Variants in GCNT1 observed in about 807,000 individuals in gnomAD.
GCNT1 encodes glucosaminyl (N-acetyl) transferase 1, also known as beta-1,3-galactosyl-O-glycosyl-glycoprotein beta-1,6-N-acetylglucosaminyltransferase.
GCNT1 carries 16 observed loss-of-function variants against 26.2 expected under a neutral mutation model. That is an observed-to-expected ratio of 0.61 (90% CI 0.41 to 0.93). The LOEUF is 0.93. GCNT1 is among the 40% of genes least tolerant of loss of function. GCNT1 has a pLI of 0.00. For synonymous variants in GCNT1, 183 were observed against 190.8 expected, an observed-to-expected ratio of 0.96 and a Z score of 0.34; for missense variants, 477 against 526.7, an observed-to-expected ratio of 0.91 and a Z score of 0.92.
chr9:76,471,412 C>T (rs1472743145), intron 2 of GCNT1, among the ~76,000 whole-genome samples: 1 of 152,134 alleles, frequency 6.6e-6, no homozygotes, highest in Non-Finnish European at 1.5e-5. Context: ...TAATTGCTCC[C>T]AGAATTGCTC....
chr9:76,496,682 G>A (rs1824916218), intron 2 of GCNT1, among the ~76,000 whole-genome samples: 1 of 151,948 alleles, frequency 6.6e-6, no homozygotes, highest in African/African-American at 2.4e-5. Flanking sequence ...CCTTCTTATT[G>A]ACTATATAAA....
At chr9:76,435,234 C>T (rs1003956674) in intron 1 of GCNT1, among the ~76,000 whole-genome samples, 2 of 152,096 alleles carry the variant, frequency 1.3e-5, no homozygotes, top group African/African-American at 2.4e-5. Flanking sequence ...TTTTGCGGCT[C>T]GGGTGGGCAT....
At chr9:76,407,276 A>G in the GCNT1 span, among the ~76,000 whole-genome samples, 1 of 151,944 alleles carries the variant, frequency 6.6e-6, no homozygotes, top group Non-Finnish European at 1.5e-5. Context: ...CTCATTTTGA[A>G]CTAATTTTGG....
At chr9:76,444,674 C>T (rs1005743519) in intron 1 of GCNT1, among the ~76,000 whole-genome samples, 27 of 152,156 alleles carry the variant, frequency 1.8e-4, no homozygotes, top group Non-Finnish European at 4.4e-5. Context: ...TTGGAGACAC[C>T]AGATACAGGC....
chr9:76,406,088 A>G, the GCNT1 span, among the ~76,000 whole-genome samples: 1 of 152,214 alleles, frequency 6.6e-6, no homozygotes, highest in African/African-American at 2.4e-5. Flanking sequence ...GGCCCTTCCA[A>G]TAGGCCTAGA....
the GCNT1 span, among the ~76,000 whole-genome samples, chr9:76,401,447 T>A: frequency 6.6e-6 from 1 of 152,194 alleles, no homozygotes; most frequent in Non-Finnish European, 1.5e-5. Flanking sequence ...TGTTATTTTA[T>A]AACCACAAAT....
chr9:76,434,714 A>G (rs1391471732), intron 1 of GCNT1, among the ~76,000 whole-genome samples: 1 of 152,228 alleles, frequency 6.6e-6, no homozygotes, highest in East Asian at 1.9e-4. Flanking sequence ...AAAAAGAGCC[A>G]TATTTTTCTT....
chr9:76,411,729 T>C, the GCNT1 span, among the ~76,000 whole-genome samples: 1 of 117,766 alleles, frequency 8.5e-6, no homozygotes, highest in Non-Finnish European at 1.8e-5. Flanking sequence ...TTTAACAGAG[T>C]CTTGCTCTGT....
intron 1 of GCNT1, among the ~76,000 whole-genome samples, chr9:76,428,265 C>CAAAAAAAAAAAAAAAAAAAAAAAAA (rs869195487): frequency 3.4e-5 from 1 of 29,772 alleles, no homozygotes; most frequent in African/African-American, 1.0e-4. Context: ...GACTCCGTCT[C>CAAAAAAAAAAAAAAAAAAAAAAAAA]AAAAAAAAAA....
chr9:76,429,774 G>T (rs1823309856), intron 1 of GCNT1, among the ~76,000 whole-genome samples: 1 of 149,886 alleles, frequency 6.7e-6, no homozygotes, highest in South Asian at 2.1e-4. Flanking sequence ...GAGTTCAGTG[G>T]CGCAATCTCG....
intron 2 of GCNT1, among the ~76,000 whole-genome samples, chr9:76,460,807 T>A (rs913719360): frequency 6.6e-6 from 1 of 152,236 alleles, no homozygotes; most frequent in African/African-American, 2.4e-5. Context: ...ATGATGAGGG[T>A]TTGACGGTCA....
At chr9:76,501,363 A>T (rs1825062400) in intron 3 of GCNT1, among the ~76,000 whole-genome samples, 1 of 152,226 alleles carries the variant, frequency 6.6e-6, no homozygotes, top group Non-Finnish European at 1.5e-5. Context: ...CATTTCATAT[A>T]GTAAAAGTGG....
At position 76,420,122 on chromosome 9, in the gene GCNT1, C is replaced by T. The variant is rs1823169739; in HGVS notation, n.38+235C>T. On this transcript the variant is annotated intron_variant and non_coding_transcript_variant, in intron 1 of 3. Transcript: ENST00000488136. ...ACCTGATATTAGAAATTGCTTAGGACTTCAAAACAGATTTGTGTTGCCAGA... is the reference window on the plus strand; with the variant it reads ...ACCTGATATTAGAAATTGCTTAGGATTTCAAAACAGATTTGTGTTGCCAGA... 3 of 152,198 alleles carry T rather than the reference C, an allele frequency of 2.0e-5. No homozygotes were observed. The South Asian group carries it at 6.2e-4, about 32-fold the overall frequency. 9.4% of individuals were successfully genotyped at this position (152,198 alleles called of 1,614,324 possible). A position where few individuals can be genotyped will look rare whatever the true frequency, so the allele number is the denominator to read the frequency against.
intron 2 of GCNT1, among the ~76,000 whole-genome samples, chr9:76,471,543 C>T (rs1824131962): frequency 6.6e-6 from 1 of 152,070 alleles, no homozygotes; most frequent in Admixed American, 6.6e-5. Flanking sequence ...AATAGACAGC[C>T]CACCAATTTT....
At chr9:76,446,203 C>T (rs977028234) in intron 1 of GCNT1, among the ~76,000 whole-genome samples, 1 of 152,082 alleles carries the variant, frequency 6.6e-6, no homozygotes, top group African/African-American at 2.4e-5. Flanking sequence ...CTTCAAGTCT[C>T]CCTTGCAGAG....
At chr9:76,456,542 G>T (rs978355863), upstream of GCNT1, among the ~76,000 whole-genome samples, 13 of 152,164 alleles carry the variant, frequency 8.5e-5, no homozygotes, top group Non-Finnish European at 7.3e-5. Context: ...CAATCTTCAT[G>T]ACCTTAAATT....
chr9:76,409,725 C>T, the GCNT1 span, among the ~76,000 whole-genome samples: 1 of 152,144 alleles, frequency 6.6e-6, no homozygotes, highest in Non-Finnish European at 1.5e-5. Flanking sequence ...GAATTGCAGG[C>T]ATGAGCCACC....
chr9:76,417,356 G>A (rs1480871218), upstream of GCNT1, among the ~76,000 whole-genome samples: 5 of 152,116 alleles, frequency 3.3e-5, no homozygotes, highest in Non-Finnish European at 7.3e-5. Context: ...ATGTAGTGTT[G>A]GAAGGAAAAT....
rs1825143477 is a variant in GCNT1 at position 76,503,406 on chromosome 9, A to G, written c.1025A>G (p.Tyr342Cys). 9 of 1,614,120 alleles carry G rather than the reference A, an allele frequency of 5.6e-6. No individual in the cohort carries two copies. The Admixed American group carries it at 1.3e-4, about 24-fold the overall frequency. ...GGCTCACTCCCTGCCAGCCATAAGT[A>G]TGATCTGTCTGACATGCAAGCAGTT... is the stretch of plus-strand genomic sequence containing the variant. Reference protein sequence around the residue: ...VPGSLPASHKYDLSDMQAVAR... With the variant: ...VPGSLPASHKCDLSDMQAVAR... Residue 342 changes from tyrosine to cysteine, a missense_variant, in exon 4 of 4, where the codon TAT becomes TGT. Physicochemically the swap from Tyr to Cys is radical, Grantham distance 194. Coordinates refer to ENST00000376730, the MANE Select transcript of GCNT1 (RefSeq NM_001490.5).
Sources: allele counts gnomAD v4.1 joint callset (sites outside exome capture counted in the v4.1 genomes callset), GRCh38; gene constraint gnomAD v4.1.1; transcripts MANE v1.5; gene names NCBI Gene and HGNC (gene_info 2026-07-23, HGNC 2026-07-21).